ELAPOR1: variants seen among roughly 807,000 people sequenced by gnomAD.
ELAPOR1 encodes endosome/lysosome-associated apoptosis and autophagy regulator 1.
Under a neutral mutation model 119.7 loss-of-function variants are expected in ELAPOR1, and 77 were observed. The ratio of observed to expected loss-of-function variants is 0.64; its 90% CI spans 0.54 to 0.78. The LOEUF (loss-of-function observed/expected upper bound fraction) is 0.78, where lower values mean the gene tolerates loss of function less well. Ranked by LOEUF, ELAPOR1 falls within the 30% of genes least tolerant of loss-of-function variation. ELAPOR1 has a pLI of 0.00. For synonymous variants in ELAPOR1, 481 were observed against 487.2 expected (o/e 0.99, Z 0.17); for missense variants, 1,115 against 1,270.4 (o/e 0.88, Z 1.86).
intron 1 of ELAPOR1, among the ~76,000 whole-genome samples, chr1:109,160,447 C>A (rs1457456258): frequency 1.3e-5 from 2 of 152,088 alleles, no homozygotes; most frequent in Non-Finnish European, 2.9e-5. Flanking sequence ...CACAATTCTT[C>A]CTTACTGTGT....
intron 1 of ELAPOR1, among the ~76,000 whole-genome samples, chr1:109,124,358 G>T (rs1648642211): frequency 6.6e-6 from 1 of 152,234 alleles, no homozygotes; most frequent in South Asian, 2.1e-4. Flanking sequence ...GGCCTCCCAA[G>T]TAGCTGGGGC....
At chr1:109,140,176 C>G (rs1649740283) in intron 1 of ELAPOR1, among the ~76,000 whole-genome samples, 1 of 152,116 alleles carries the variant, frequency 6.6e-6, no homozygotes, top group Admixed American at 6.6e-5. Context: ...TTGTAGACTA[C>G]TATGTGAAAA....
Position 109,194,441 on chromosome 1 carries a change from C to T in ELAPOR1, c.1968C>T (p.Asn656=), listed in dbSNP as rs2359246. ...KNNKIHSLCY[N]DCTFSRNTPT... Reference sequence around the variant, plus strand: ...CTCAGATCCACTCTCTGTGCTACAACGATTGCACCTTCTCACGCAACACTC... The same window carrying T: ...CTCAGATCCACTCTCTGTGCTACAATGATTGCACCTTCTCACGCAACACTC... The change falls in exon 15 of 22, where the codon AAC becomes AAT. Residue 656 remains asparagine (N), a synonymous_variant. Coordinates refer to ENST00000369939, the MANE Select transcript of ELAPOR1 (RefSeq NM_020775.5). The T allele has an allele frequency of 0.76, 1,227,256 of 1,611,524 alleles. 476,407 individuals carry two copies. Among genetic ancestry groups the T allele is most frequent in the East Asian group, 0.98 (43,882 of 44,862 alleles).
At chr1:109,137,925 A>G (rs1431375972) in intron 1 of ELAPOR1, among the ~76,000 whole-genome samples, 1 of 152,252 alleles carries the variant, frequency 6.6e-6, no homozygotes, top group Non-Finnish European at 1.5e-5. Flanking sequence ...TTCACAAAGT[A>G]TACAAACTTT....
In ELAPOR1 at chr1:109,192,885, T is replaced by G. The variant is rs758751265; in HGVS notation, c.1947+11T>G. ...ACCAAGAACAACAAGGTACCTGTAG[T>G]CTGGCATGCATCCTAAACCTGACCC... On this transcript the variant is annotated intron_variant, in intron 14 of 21. Coordinates refer to ENST00000369939, the MANE Select transcript of ELAPOR1 (RefSeq NM_020775.5). 5.8e-5 allele frequency: 93 copies of G among 1,612,340 alleles called. No homozygotes were observed. The highest frequency in any genetic ancestry group is 7.7e-5 in the Non-Finnish European group (91 of 1,179,264).
At position 109,202,576 on chromosome 1, in the gene ELAPOR1, G is replaced by A. The variant is rs114904197; in HGVS notation, c.2974-368G>A. 5.8e-3 allele frequency among the ~76,000 whole-genome samples: 874 copies of A among 151,354 alleles called. 10 individuals carry two copies. The highest frequency in any genetic ancestry group is 0.02 in the African/African-American group (819 of 41,184). On this transcript the variant is annotated intron_variant, in intron 21 of 21. Coordinates refer to ENST00000369939, the MANE Select transcript of ELAPOR1 (RefSeq NM_020775.5). ...CTTCCTCAGCCTCCCAGGTAGTTGC[G>A]ATTATAGGCGCCTGCCACCATGCCT...
chr1:109,203,234 G>A lies in ELAPOR1; in HGVS notation c.*222G>A. ...TACCCACACTTTGTTTGTAAATTAT[G>A]CCCTTGCTTGTATCTTGTTTCCCAA... On this transcript the variant is annotated 3_prime_UTR_variant, in exon 22 of 22. Transcript: ENST00000369939. 1 of 521,052 alleles carries A rather than the reference G, an allele frequency of 1.9e-6. No individual in the cohort carries two copies. Among genetic ancestry groups the A allele is most frequent in the Non-Finnish European group, 3.4e-6 (1 of 292,824 alleles). The allele number at this position is 521,052 out of a possible 1,614,324, so 32.3% of individuals were successfully genotyped here.
At chr1:109,187,070 T>C in intron 8 of ELAPOR1, 3 of 985,496 alleles carry the variant, frequency 3.0e-6, no homozygotes, top group Non-Finnish European at 3.6e-6. Flanking sequence ...AGTCTGGTGA[T>C]TGAGTTTGTC....
intron 8 of ELAPOR1, chr1:109,186,551 G>A (rs1442342588): frequency 1.0e-6 from 1 of 985,350 alleles, no homozygotes; most frequent in Non-Finnish European, 1.2e-6. Context: ...CCACGTATTT[G>A]GGGCATCATC....
chr1:109,161,911 G>A lies in ELAPOR1; in HGVS notation c.171G>A (p.Glu57=). 6.2e-7 allele frequency: 1 copy of A among 1,613,776 alleles called. No homozygotes were observed. Among genetic ancestry groups the A allele is most frequent in the Non-Finnish European group, 8.5e-7 (1 of 1,179,656 alleles). Residue 57 remains glutamate, a synonymous_variant, in exon 2 of 22, where the codon GAG becomes GAA. Transcript: ENST00000369939. ...HACKESEYHY[E]YTACDSTGSR... ...CCCTGCAGTCTGAGTACCACTATGA[G>A]TACACGGCGTGTGACAGCACGGGTT...
chr1:109,192,791 C>T lies in ELAPOR1; in HGVS notation c.1864C>T (p.Pro622Ser). The T allele has an allele frequency of 6.2e-7, 1 of 1,614,066 alleles. No homozygotes were observed. Among genetic ancestry groups the T allele is most frequent in the South Asian group, 1.1e-5 (1 of 91,078 alleles). Reference protein sequence around the residue: ...DRDSGTCHSCPTNTILKAHQP... With the variant: ...DRDSGTCHSCSTNTILKAHQP... ...AGATTCAGGAACCTGCCACTCCTGC[C>T]CCACTAACACAATTCTGAAAGCCCA... The change falls in exon 14 of 22, where the codon CCC (proline) becomes TCC (serine). Residue 622 changes from proline to serine, a missense_variant. Transcript: ENST00000369939.
intron 7 of ELAPOR1, among the ~76,000 whole-genome samples, chr1:109,177,239 C>A (rs1259561553): frequency 7.6e-6 from 1 of 132,182 alleles, no homozygotes; most frequent in African/African-American, 3.0e-5. Flanking sequence ...GGGGGGCTGA[C>A]CCCCCCACCT....
chr1:109,142,248 G>A (rs1649874322), intron 1 of ELAPOR1, among the ~76,000 whole-genome samples: 1 of 152,166 alleles, frequency 6.6e-6, no homozygotes, highest in Non-Finnish European at 1.5e-5. Flanking sequence ...GTTGAACTGA[G>A]CTTTAGAAAA....
At chr1:109,161,446 A>G (rs1324263894) in intron 1 of ELAPOR1, among the ~76,000 whole-genome samples, 1 of 151,934 alleles carries the variant, frequency 6.6e-6, no homozygotes, top group African/African-American at 2.4e-5. Context: ...AACACAGGGA[A>G]ATAGAAATAC....
intron 15 of ELAPOR1, among the ~76,000 whole-genome samples, chr1:109,195,354 C>T (rs71513967): frequency 0.68 from 102,353 of 151,384 alleles, 37,133 homozygotes; most frequent in East Asian, 0.97. Flanking sequence ...ATTAGCCGGG[C>T]GTGGTGGCGG....
intron 1 of ELAPOR1, among the ~76,000 whole-genome samples, chr1:109,116,567 T>G (rs561808230): frequency 4.6e-5 from 7 of 152,010 alleles, no homozygotes; most frequent in Admixed American, 2.0e-4. Flanking sequence ...AGGGAGAGAA[T>G]AAACCCATTA....
At chr1:109,117,765 C>T (rs938001415) in intron 1 of ELAPOR1, among the ~76,000 whole-genome samples, 3 of 152,094 alleles carry the variant, frequency 2.0e-5, no homozygotes, top group East Asian at 1.9e-4. Context: ...GTATAAATGA[C>T]GTCATAAGAT....
chr1:109,118,769 C>T (rs966699162), intron 1 of ELAPOR1, among the ~76,000 whole-genome samples: 1 of 152,128 alleles, frequency 6.6e-6, no homozygotes, highest in African/African-American at 2.4e-5. Flanking sequence ...AGAGTGTTCC[C>T]TGTTCTTAGT....
intron 4 of ELAPOR1, 35 bp from the exon 5 acceptor site, chr1:109,172,453 G>A (rs762466912): frequency 8.6e-6 from 13 of 1,512,956 alleles, no homozygotes; most frequent in Non-Finnish European, 1.1e-5. Context: ...TCCTTAGAAA[G>A]CTGAGACTCT....
Sources: gnomAD v4.1 joint callset for allele counts (sites outside exome capture counted in the v4.1 genomes callset) on GRCh38, gnomAD v4.1.1 for gene constraint, MANE v1.5 for transcripts, NCBI Gene and HGNC (gene_info 2026-07-23, HGNC 2026-07-21) for gene names.